The following STARD13 variants were observed in gnomAD, a reference collection of about 807,000 sequenced individuals.
The protein encoded by STARD13 is StAR related lipid transfer domain containing 13.
A neutral mutation model predicts 106.4 loss-of-function variants in STARD13; 62 were observed. The observed-to-expected ratio is 0.58, with a 90% CI of 0.48 to 0.72. STARD13 has a LOEUF of 0.72. STARD13 is among the 30% of genes least tolerant of loss of function. The pLI, the probability that STARD13 is intolerant of heterozygous loss-of-function variation, is 0.00. For missense variants in STARD13, 1,387 were observed against 1,424.0 expected, an observed-to-expected ratio of 0.97 and a Z score of 0.42; for synonymous variants, 565 against 553.0, an observed-to-expected ratio of 1.02 and a Z score of -0.31.
At chr13:33,218,458 C>A (rs181524072) in intron 1 of STARD13, among the ~76,000 whole-genome samples, 2 of 152,284 alleles carry the variant, frequency 1.3e-5, no homozygotes, top group African/African-American at 4.8e-5. Context: ...CTCAATAAAC[C>A]CTATGTCTCA....
the STARD13 span, among the ~76,000 whole-genome samples, chr13:33,418,983 G>T: frequency 6.6e-6 from 1 of 152,134 alleles, no homozygotes; most frequent in Non-Finnish European, 1.5e-5. Context: ...AAGACCAAAG[G>T]TACATAAAAC....
At chr13:33,453,143 A>G in the STARD13 span, among the ~76,000 whole-genome samples, 2 of 152,264 alleles carry the variant, frequency 1.3e-5, no homozygotes, top group Non-Finnish European at 2.9e-5. Context: ...CAATAGTGCC[A>G]GCTTTCAAGA....
the STARD13 span, among the ~76,000 whole-genome samples, chr13:33,537,379 A>G: frequency 2.0e-5 from 3 of 152,248 alleles, no homozygotes; most frequent in African/African-American, 7.2e-5. Context: ...TGTATAAATA[A>G]TTTTAAAAAC....
intron 1 of STARD13, among the ~76,000 whole-genome samples, chr13:33,324,510 T>G (rs1318925634): frequency 6.6e-6 from 1 of 152,228 alleles, no homozygotes; most frequent in Non-Finnish European, 1.5e-5. Flanking sequence ...TGATGTCAAA[T>G]AGAAAATTAG....
the STARD13 span, among the ~76,000 whole-genome samples, chr13:33,397,658 A>C: frequency 6.6e-6 from 1 of 152,222 alleles, no homozygotes; most frequent in African/African-American, 2.4e-5. Flanking sequence ...CAAGGGCCTC[A>C]TGGGACAAAT....
At chr13:33,175,583 G>T (rs1884431065) in intron 1 of STARD13, among the ~76,000 whole-genome samples, 1 of 152,112 alleles carries the variant, frequency 6.6e-6, no homozygotes, top group Admixed American at 6.5e-5. Context: ...CTTGATATTG[G>T]CTCTCAGAGC....
chr13:33,306,136 C>T (rs1401799990), intron 1 of STARD13, among the ~76,000 whole-genome samples: 1 of 152,062 alleles, frequency 6.6e-6, no homozygotes, highest in Non-Finnish European at 1.5e-5. Flanking sequence ...GATACATAGA[C>T]CAATGGAACA....
chr13:33,657,740 G>A, the STARD13 span, among the ~76,000 whole-genome samples: 1 of 152,128 alleles, frequency 6.6e-6, no homozygotes, highest in Non-Finnish European at 1.5e-5. Context: ...GTGAGTAGTT[G>A]TGCTCACTCT....
At chr13:33,171,406 G>A (rs1237468160) in intron 1 of STARD13, among the ~76,000 whole-genome samples, 1 of 152,198 alleles carries the variant, frequency 6.6e-6, no homozygotes, top group African/African-American at 2.4e-5. Flanking sequence ...ATTATGAAAA[G>A]ATTTCTATGT....
At chr13:33,626,322 C>T in the STARD13 span, among the ~76,000 whole-genome samples, 6 of 152,336 alleles carry the variant, frequency 3.9e-5, no homozygotes, top group South Asian at 1.0e-3. Context: ...TCACGCTTGA[C>T]CTCCATCTCT....
At chr13:33,478,093 T>C in the STARD13 span, among the ~76,000 whole-genome samples, 2 of 152,190 alleles carry the variant, frequency 1.3e-5, no homozygotes, top group African/African-American at 4.8e-5. Flanking sequence ...AATTCGTGTT[T>C]TCCTGCATGT....
intron 1 of STARD13, among the ~76,000 whole-genome samples, chr13:33,197,148 G>C (rs146952831): frequency 6.6e-6 from 1 of 152,272 alleles, no homozygotes; most frequent in East Asian, 1.9e-4. Context: ...CGTTGTGTTT[G>C]TACTACATGC....
chr13:33,184,650 T>C (rs1469298758), intron 1 of STARD13, among the ~76,000 whole-genome samples: 1 of 152,228 alleles, frequency 6.6e-6, no homozygotes, highest in Non-Finnish European at 1.5e-5. Flanking sequence ...TTCTGAGTCA[T>C]TGTAAGGATG....
chr13:33,385,257 A>ATATATG, the STARD13 span, among the ~76,000 whole-genome samples: 4 of 135,796 alleles, frequency 2.9e-5, no homozygotes, highest in African/African-American at 1.1e-4. Flanking sequence ...ATATATATAT[A>ATATATG]TGTAGAAAAC....
chr13:33,271,943 G>A (rs925084758), intron 1 of STARD13, among the ~76,000 whole-genome samples: 2 of 152,176 alleles, frequency 1.3e-5, no homozygotes, highest in African/African-American at 4.8e-5. Flanking sequence ...CCAGACTTGA[G>A]TTCAAAGCCC....
the STARD13 span, among the ~76,000 whole-genome samples, chr13:33,649,084 C>T: frequency 6.6e-6 from 1 of 152,040 alleles, no homozygotes; most frequent in Non-Finnish European, 1.5e-5. Context: ...TGAGCCACTG[C>T]GCCCAGCCTG....
chr13:33,454,936 T>C, the STARD13 span, among the ~76,000 whole-genome samples: 1 of 152,160 alleles, frequency 6.6e-6, no homozygotes, highest in South Asian at 2.1e-4. Context: ...ATACTTACTC[T>C]GCACCAGGCC....
the STARD13 span, among the ~76,000 whole-genome samples, chr13:33,640,136 G>A: frequency 3.3e-5 from 5 of 152,172 alleles, no homozygotes; most frequent in African/African-American, 4.8e-5. Flanking sequence ...TCCCTTAACA[G>A]GCCCACAAGG....
chr13:33,565,885 CTAAT>C, the STARD13 span, among the ~76,000 whole-genome samples: 6 of 148,610 alleles, frequency 4.0e-5, 1 homozygote, highest in East Asian at 1.2e-3. Context: ...TTTCCCAAGC[CTAAT>C]TAATTACTTT....
Sources: allele counts gnomAD v4.1 joint callset (sites outside exome capture counted in the v4.1 genomes callset), GRCh38; gene constraint gnomAD v4.1.1; transcripts MANE v1.5; gene names NCBI Gene and HGNC (gene_info 2026-07-23, HGNC 2026-07-21).